Variants in GALNT9 observed in about 807,000 individuals in gnomAD.
GALNT9 encodes the protein polypeptide N-acetylgalactosaminyltransferase 9, also known as GalNAc transferase 9.
In GALNT9, 47 loss-of-function variants were observed where a neutral mutation model predicts 63.1. The ratio of observed to expected loss-of-function variants is 0.75; its 90% CI spans 0.59 to 0.95. The LOEUF is 0.95. Ranked by LOEUF, GALNT9 falls within the 40% of genes least tolerant of loss-of-function variation. The probability of loss-of-function intolerance (pLI) is 0.00; values close to 1 mark genes in which losing one functional copy is unlikely to be tolerated. For missense variants in GALNT9, 829 were observed against 874.8 expected (o/e 0.95, Z 0.66); for synonymous variants, 396 against 365.7 (o/e 1.08, Z -0.94).
chr12:132,261,637 C>T (rs117536952), intron 3 of GALNT9, among the ~76,000 whole-genome samples: 5 of 152,156 alleles, frequency 3.3e-5, no homozygotes, highest in East Asian at 1.9e-4. Flanking sequence ...CCAGTGTAGA[C>T]GGTGCTGCTG....
chr12:132,257,263 A>C (rs1879155836), intron 5 of GALNT9, among the ~76,000 whole-genome samples: 10 of 152,204 alleles, frequency 6.6e-5, no homozygotes, highest in Admixed American at 6.5e-4. Context: ...AGCCGTTAGT[A>C]CTGGCTCCTG....
intron 1 of GALNT9, among the ~76,000 whole-genome samples, chr12:132,288,402 G>C (rs1445972734): frequency 6.6e-6 from 1 of 152,212 alleles, no homozygotes; most frequent in Non-Finnish European, 1.5e-5. Context: ...TTTTAATCCT[G>C]TGAGATAAAT....
chr12:132,247,230 G>A (rs1555238058), intron 6 of GALNT9, among the ~76,000 whole-genome samples: 1 of 152,186 alleles, frequency 6.6e-6, no homozygotes, highest in African/African-American at 2.4e-5. Flanking sequence ...GCCCGGCCGA[G>A]CTCAGAGCCT....
intron 1 of GALNT9, among the ~76,000 whole-genome samples, chr12:132,318,418 C>T (rs28611022): frequency 0.43 from 65,513 of 152,028 alleles, 14,512 homozygotes; most frequent in African/African-American, 0.54. Flanking sequence ...CCTAAGAGCA[C>T]CTGCCCTTCG....
At position 132,286,115 on chromosome 12, in the gene GALNT9, C is replaced by CGGTCACTTCCCTGGCGGGCGTGGGGGGT; in HGVS notation, c.419+134_419+135insACCCCCCACGCCCGCCAGGGAAGTGACC. Reference sequence around the variant, plus strand: ...TCACTTCCCCGGCGGGCGTGGGGGGCGGTCACTTCCCTGGCGGGCGTGGGG... The same window carrying CGGTCACTTCCCTGGCGGGCGTGGGGGGT: ...TCACTTCCCCGGCGGGCGTGGGGGGCGGTCACTTCCCTGGCGGGCGTGGGGGGTGGTCACTTCCCTGGCGGGCGTGGGG... On this transcript the variant is annotated intron_variant, in intron 2 of 10. Transcript: ENST00000328957. This position sits in a 1 kb window ranked among gnomAD's most constrained non-coding sequence, Gnocchi z 7.4. 2 of 1,111,848 alleles carry CGGTCACTTCCCTGGCGGGCGTGGGGGGT rather than the reference C, an allele frequency of 1.8e-6. No individual in the cohort carries two copies. Among genetic ancestry groups the CGGTCACTTCCCTGGCGGGCGTGGGGGGT allele is most frequent in the Non-Finnish European group, 2.4e-6 (2 of 819,314 alleles). 68.9% of individuals were successfully genotyped at this position (1,111,848 alleles called of 1,614,324 possible).
At chr12:132,257,645 C>T (rs1879187248) in intron 5 of GALNT9, 44 bp downstream of exon 5, 2 of 1,476,514 alleles carry the variant, frequency 1.4e-6, no homozygotes, top group Admixed American at 2.0e-5. Flanking sequence ...TGCTCCGCTC[C>T]TTGCCGGGCA....
intron 5 of GALNT9, among the ~76,000 whole-genome samples, chr12:132,248,434 C>T (rs1347178059): frequency 6.6e-6 from 1 of 152,220 alleles, no homozygotes; most frequent in African/African-American, 2.4e-5. Flanking sequence ...TATTGCACCA[C>T]TACACTCCAG....
At chr12:132,267,033 C>A (rs1382275108) in intron 2 of GALNT9, among the ~76,000 whole-genome samples, 1 of 152,188 alleles carries the variant, frequency 6.6e-6, no homozygotes, top group Non-Finnish European at 1.5e-5. Flanking sequence ...GAGGTGTGAT[C>A]CGCGTCTGGA....
At chr12:132,302,801 A>T (rs1248806636) in intron 1 of GALNT9, among the ~76,000 whole-genome samples, 1 of 152,188 alleles carries the variant, frequency 6.6e-6, no homozygotes, top group Non-Finnish European at 1.5e-5. Flanking sequence ...GGGCTGTGGC[A>T]GCAGAAAGGG....
intron 2 of GALNT9, among the ~76,000 whole-genome samples, chr12:132,270,133 G>C (rs1419484373): frequency 6.6e-6 from 1 of 152,248 alleles, no homozygotes; most frequent in Non-Finnish European, 1.5e-5. Context: ...ATAGGATATA[G>C]TGCTGAACAG....
intron 1 of GALNT9, among the ~76,000 whole-genome samples, chr12:132,318,193 G>A (rs1332659495): frequency 2.0e-5 from 3 of 152,118 alleles, no homozygotes; most frequent in Admixed American, 6.5e-5. Context: ...ACCCTGCCTC[G>A]AAAAAATTAA....
intron 1 of GALNT9, among the ~76,000 whole-genome samples, chr12:132,308,894 C>T (rs1489220173): frequency 6.6e-6 from 1 of 151,132 alleles, no homozygotes; most frequent in African/African-American, 2.4e-5. Context: ...GCCGCACTCA[C>T]GCCTCACCCA....
At chr12:132,199,052 A>G in intron 9 of GALNT9, 122 bp downstream of exon 9, 1 of 631,782 alleles carries the variant, frequency 1.6e-6, no homozygotes, top group Non-Finnish European at 2.8e-6. Context: ...CCTGGAATGC[A>G]GCCCTGGTGG....
intron 1 of GALNT9, among the ~76,000 whole-genome samples, chr12:132,318,172 G>A (rs1446782421): frequency 6.6e-6 from 1 of 152,192 alleles, no homozygotes; most frequent in Non-Finnish European, 1.5e-5. Context: ...ACCCTGGGTG[G>A]TGGGGGTGAA....
chr12:132,205,075 G>T (rs762530402), intron 6 of GALNT9, among the ~76,000 whole-genome samples: 7 of 152,270 alleles, frequency 4.6e-5, no homozygotes, highest in Non-Finnish European at 1.0e-4. Context: ...AGCTGAGCTC[G>T]GATCCCTCAG....
intron 1 of GALNT9, among the ~76,000 whole-genome samples, chr12:132,317,161 GGCCCCATCCTACACCCCACAGAGCACA>G (rs1868552808): frequency 9.2e-6 from 1 of 108,754 alleles, no homozygotes; most frequent in Non-Finnish European, 1.8e-5. Flanking sequence ...CACAGAGCAC[GGCCCCATCCTACACCCCACAGAGCACA>G]GCCTGCATCT....
chr12:132,244,125 C>T (rs1420781667), intron 6 of GALNT9, among the ~76,000 whole-genome samples: 1 of 148,064 alleles, frequency 6.8e-6, no homozygotes, highest in Non-Finnish European at 1.5e-5. Context: ...TTCCAACAAC[C>T]TGTGGTGCCT....
intron 5 of GALNT9, among the ~76,000 whole-genome samples, chr12:132,255,259 AG>A (rs1879066579): frequency 6.6e-6 from 1 of 152,218 alleles, no homozygotes; most frequent in Non-Finnish European, 1.5e-5. Context: ...TCTTTTGTAG[AG>A]ATAAAATGCA....
At chr12:132,201,784 C>T (rs1274590464) in intron 7 of GALNT9, among the ~76,000 whole-genome samples, 1 of 152,236 alleles carries the variant, frequency 6.6e-6, no homozygotes, top group Non-Finnish European at 1.5e-5. Flanking sequence ...GAGCTTGTAC[C>T]TGGCCTTTCC....
Sources: gnomAD v4.1 joint callset for allele counts (sites outside exome capture counted in the v4.1 genomes callset) on GRCh38, gnomAD v4.1.1 for gene constraint, Gnocchi (gnomAD v3.1) non-coding constraint, MANE v1.5 for transcripts, NCBI Gene and HGNC (gene_info 2026-07-23, HGNC 2026-07-21) for gene names.